Variants in ADAMTSL1 observed in about 807,000 individuals in gnomAD.
ADAMTSL1 encodes the protein ADAMTS-like protein 1.
ADAMTSL1 carries 126 observed loss-of-function variants against 201.8 expected under a neutral mutation model. The ratio of observed to expected loss-of-function variants is 0.62; its 90% CI spans 0.54 to 0.72. ADAMTSL1 has a LOEUF of 0.72. Ranked by LOEUF, ADAMTSL1 falls within the 30% of genes least tolerant of loss-of-function variation. The pLI is 0.00. For missense variants in ADAMTSL1, 2,679 were observed against 2,277.8 expected (o/e 1.18, Z -3.59); for synonymous variants, 1,121 against 903.4 (o/e 1.24, Z -4.32).
chr9:17,942,103 G>C (rs1183873623), intron 1 of ADAMTSL1, among the ~76,000 whole-genome samples: 3 of 152,068 alleles, frequency 2.0e-5, no homozygotes, highest in Non-Finnish European at 2.9e-5. Flanking sequence ...GTATATAATA[G>C]GCAAATTCGT....
intron 23 of ADAMTSL1, among the ~76,000 whole-genome samples, chr9:18,860,709 A>G (rs1827160317): frequency 6.6e-6 from 1 of 152,136 alleles, no homozygotes; most frequent in Non-Finnish European, 1.5e-5. Context: ...AAGGGGAAAA[A>G]ATCTCATTAC....
chr9:18,644,617 T>G (rs1827669787), intron 7 of ADAMTSL1, among the ~76,000 whole-genome samples: 1 of 150,722 alleles, frequency 6.6e-6, no homozygotes. Flanking sequence ...AATTCCCATC[T>G]ATGAGTGAGA....
intron 1 of ADAMTSL1, among the ~76,000 whole-genome samples, chr9:17,919,247 G>C (rs377098494): frequency 6.7e-6 from 1 of 149,970 alleles, no homozygotes; most frequent in South Asian, 2.1e-4. Flanking sequence ...ATTTTTTCTA[G>C]TACACTTCCT....
At chr9:18,613,083 T>A (rs564476543) in intron 4 of ADAMTSL1, among the ~76,000 whole-genome samples, 3 of 152,108 alleles carry the variant, frequency 2.0e-5, no homozygotes, top group African/African-American at 7.2e-5. Flanking sequence ...AAGAAGACAT[T>A]TATGTGACCA....
intron 4 of ADAMTSL1, among the ~76,000 whole-genome samples, chr9:18,621,089 A>G (rs79013709): frequency 0.11 from 16,938 of 152,214 alleles, 1,008 homozygotes; most frequent in Middle Eastern, 0.17. Flanking sequence ...AAGAGAAGCC[A>G]TAAGTCCCTT....
intron 2 of ADAMTSL1, among the ~76,000 whole-genome samples, chr9:18,227,296 G>T (rs1830466536): frequency 6.6e-6 from 1 of 152,058 alleles, no homozygotes; most frequent in Non-Finnish European, 1.5e-5. Context: ...CTCTGTGCAT[G>T]TTTGCTCAAA....
At chr9:18,151,022 G>A (rs1420178887) in intron 1 of ADAMTSL1, among the ~76,000 whole-genome samples, 1 of 152,012 alleles carries the variant, frequency 6.6e-6, no homozygotes, top group African/African-American at 2.4e-5. Context: ...AAGTGCAGTG[G>A]ATGTGGGCAA....
chr9:18,332,628 C>T (rs999272992), intron 2 of ADAMTSL1, among the ~76,000 whole-genome samples: 1 of 152,090 alleles, frequency 6.6e-6, no homozygotes, highest in Non-Finnish European at 1.5e-5. Flanking sequence ...TTTAATTTTT[C>T]CTTTTTTCAA....
Position 18,128,724 on chromosome 9 carries a change from C to T in ADAMTSL1, c.88-35138C>T, listed in dbSNP as rs576121343. On this transcript the variant is annotated intron_variant, in intron 1 of 29. Transcript: ENST00000680146. ...GCTATGAAACAGAAATTAAGGATCT[C>T]TCTCTCCCCCCTTTTTTTCAATTCC... is the stretch of plus-strand genomic sequence containing the variant. 2.0e-5 allele frequency among the ~76,000 whole-genome samples: 3 copies of T among 152,194 alleles called. No homozygotes were observed. The South Asian group carries it at 6.2e-4, about 32-fold the overall frequency.
intron 1 of ADAMTSL1, among the ~76,000 whole-genome samples, chr9:18,087,558 C>G (rs1331111506): frequency 6.6e-6 from 1 of 151,906 alleles, no homozygotes; most frequent in Non-Finnish European, 1.5e-5. Flanking sequence ...AGCCATGTGA[C>G]TATGTAATTT....
chr9:18,084,446 C>T (rs945011526), intron 1 of ADAMTSL1, among the ~76,000 whole-genome samples: 2 of 151,474 alleles, frequency 1.3e-5, no homozygotes, highest in Non-Finnish European at 2.9e-5. Flanking sequence ...TTCTTGAACC[C>T]AGGAGGCGGA....
intron 23 of ADAMTSL1, among the ~76,000 whole-genome samples, chr9:18,875,242 C>A (rs1349447346): frequency 6.6e-6 from 1 of 151,782 alleles, no homozygotes; most frequent in Non-Finnish European, 1.5e-5. Flanking sequence ...TTTTTTGTTT[C>A]AATTTCATTT....
intron 2 of ADAMTSL1, among the ~76,000 whole-genome samples, chr9:18,525,603 A>G (rs1229501296): frequency 1.3e-5 from 2 of 152,166 alleles, no homozygotes; most frequent in African/African-American, 4.8e-5. Flanking sequence ...TTTCCTGTAC[A>G]CACTGCTTTA....
intron 1 of ADAMTSL1, among the ~76,000 whole-genome samples, chr9:17,952,512 C>A (rs1018581332): frequency 2.6e-5 from 4 of 152,018 alleles, no homozygotes; most frequent in African/African-American, 7.2e-5. Context: ...GGTTCTCATA[C>A]AAGTAGAGAA....
chr9:18,449,723 A>G (rs1480907029), intron 2 of ADAMTSL1, among the ~76,000 whole-genome samples: 1 of 152,230 alleles, frequency 6.6e-6, no homozygotes, highest in African/African-American at 2.4e-5. Context: ...GAAGATCTAA[A>G]CAGAAAATAG....
In ADAMTSL1 at chr9:18,910,418, A is replaced by AGCT. The variant is rs144184987; in HGVS notation, c.*1871_*1872insCTG. 1 of 152,044 alleles carries AGCT rather than the reference A, an allele frequency of 6.6e-6. No individual in the cohort carries two copies. Among genetic ancestry groups the AGCT allele is most frequent in the East Asian group, 1.9e-4 (1 of 5,192 alleles). 9.4% of individuals were successfully genotyped at this position (152,044 alleles called of 1,614,324 possible). On this transcript the variant is annotated 3_prime_UTR_variant, in exon 29 of 29. Transcript: ENST00000380548. ...GGGACTTTATTAACTAACTTCCTGC[A>AGCT]GTTGTGTTCCTGTAAACTCAGTAGT...
chr9:18,010,058 C>A (rs928346680), intron 1 of ADAMTSL1, among the ~76,000 whole-genome samples: 1 of 152,022 alleles, frequency 6.6e-6, no homozygotes, highest in Non-Finnish European at 1.5e-5. Context: ...CATCCCACAA[C>A]TGATACTGTG....
At chr9:18,679,633 T>C (rs1483740968) in intron 10 of ADAMTSL1, among the ~76,000 whole-genome samples, 1 of 152,226 alleles carries the variant, frequency 6.6e-6, no homozygotes, top group East Asian at 1.9e-4. Context: ...AGTTACTTAC[T>C]GGAGGAACTC....
chr9:18,263,090 A>G (rs1306893388), intron 2 of ADAMTSL1, among the ~76,000 whole-genome samples: 3 of 152,206 alleles, frequency 2.0e-5, no homozygotes, highest in Admixed American at 1.3e-4. Flanking sequence ...CTTAGAAGGC[A>G]TATGTTATTT....
Sources: gnomAD v4.1 joint callset for allele counts (sites outside exome capture counted in the v4.1 genomes callset) on GRCh38, gnomAD v4.1.1 for gene constraint, MANE v1.5 for transcripts, NCBI Gene and HGNC (gene_info 2026-07-23, HGNC 2026-07-21) for gene names.